FBXL7: variants seen among roughly 807,000 people sequenced by gnomAD.
The protein encoded by FBXL7 is F-box and leucine rich repeat protein 7.
Under a neutral mutation model 38.3 loss-of-function variants are expected in FBXL7, and 12 were observed. That is an observed-to-expected ratio of 0.31 (90% CI 0.20 to 0.51). The LOEUF (loss-of-function observed/expected upper bound fraction) is 0.51. FBXL7 is among the 20% of genes least tolerant of loss of function. The pLI, the probability that FBXL7 is intolerant of heterozygous loss-of-function variation, is 0.98. For missense variants in FBXL7, 567 were observed against 676.4 expected (o/e 0.84, Z 1.79); for synonymous variants, 297 against 300.9 (o/e 0.99, Z 0.13).
At chr5:15,583,817 G>T (rs1387571528) in intron 1 of FBXL7, among the ~76,000 whole-genome samples, 2 of 152,218 alleles carry the variant, frequency 1.3e-5, no homozygotes, top group Admixed American at 6.5e-5. Context: ...CAGTGCCCCA[G>T]TGGGGACTCT....
At chr5:15,766,909 T>C (rs6870947) in intron 2 of FBXL7, among the ~76,000 whole-genome samples, 18,307 of 152,232 alleles carry the variant, frequency 0.12, 1,144 homozygotes, top group South Asian at 0.16. Flanking sequence ...TACAGTTTTT[T>C]ACTCTAAGCA....
chr5:15,863,769 G>T (rs1225408243), intron 2 of FBXL7, among the ~76,000 whole-genome samples: 1 of 152,170 alleles, frequency 6.6e-6, no homozygotes, highest in Non-Finnish European at 1.5e-5. Context: ...AGAGCTGGTT[G>T]TTAAAAAGAA....
At chr5:15,685,981 G>GT (rs2126615817) in intron 2 of FBXL7, among the ~76,000 whole-genome samples, 1 of 152,194 alleles carries the variant, frequency 6.6e-6, no homozygotes, top group South Asian at 2.1e-4. Context: ...CAACAGTCCC[G>GT]GGGGGAGACA....
chr5:15,534,465 G>A (rs1004047075), intron 1 of FBXL7, among the ~76,000 whole-genome samples: 1 of 151,960 alleles, frequency 6.6e-6, no homozygotes, highest in African/African-American at 2.4e-5. Context: ...ATGCATTTAA[G>A]GTTTCTTCAT....
At chr5:15,924,736 C>T (rs750255179) in intron 2 of FBXL7, among the ~76,000 whole-genome samples, 7 of 150,928 alleles carry the variant, frequency 4.6e-5, no homozygotes, top group Non-Finnish European at 7.4e-5. Flanking sequence ...CAAAAATTCA[C>T]GTGCCTCACC....
intron 1 of FBXL7, among the ~76,000 whole-genome samples, chr5:15,574,477 G>A (rs1298786551): frequency 6.6e-6 from 1 of 152,156 alleles, no homozygotes; most frequent in Non-Finnish European, 1.5e-5. Flanking sequence ...GATAGTAGGT[G>A]CAAATATTTC....
At chr5:15,598,913 G>A (rs993937969) in intron 1 of FBXL7, among the ~76,000 whole-genome samples, 2 of 152,152 alleles carry the variant, frequency 1.3e-5, no homozygotes, top group South Asian at 2.1e-4. Flanking sequence ...AGTTAGGGAT[G>A]AAATGGATTC....
At chr5:15,596,847 C>A (rs1739638249) in intron 1 of FBXL7, among the ~76,000 whole-genome samples, 1 of 152,176 alleles carries the variant, frequency 6.6e-6, no homozygotes, top group South Asian at 2.1e-4. Context: ...CCAGAGAGGG[C>A]ATGGACGCTC....
chr5:15,613,923 C>T (rs551575455), intron 1 of FBXL7, among the ~76,000 whole-genome samples: 2 of 152,112 alleles, frequency 1.3e-5, no homozygotes, highest in Non-Finnish European at 2.9e-5. Flanking sequence ...GCACTTCCTA[C>T]TTTATAAACA....
At position 15,909,486 on chromosome 5, in the gene FBXL7, AT is replaced by A. The variant is rs1161565736; in HGVS notation, c.128-18398del. The stretch of plus-strand genomic sequence containing the variant: ...AAAAAACCAGCTCCTGGATTCATTG[AT>A]TTTTTGAAGGGTTTTTTGTGTGTGT... On this transcript the variant is annotated intron_variant, in intron 2 of 3. Coordinates refer to ENST00000504595, the MANE Select transcript of FBXL7 (RefSeq NM_012304.5). Among the ~76,000 whole-genome samples, 2 of 39,594 alleles carry A rather than the reference AT, an allele frequency of 5.1e-5. 1 individual carries two copies. The highest frequency in any genetic ancestry group is 1.0e-4 in the Non-Finnish European group (2 of 19,816). 26.0% of individuals were successfully genotyped at this position (39,594 alleles called of 152,430 possible).
chr5:15,521,699 G>A (rs1737099785), intron 1 of FBXL7, among the ~76,000 whole-genome samples: 1 of 152,198 alleles, frequency 6.6e-6, no homozygotes, highest in East Asian at 1.9e-4. Flanking sequence ...TTAGATCCAA[G>A]ACGTGAAGAT....
chr5:15,504,041 G>A (rs1019916008), intron 1 of FBXL7, among the ~76,000 whole-genome samples: 1 of 152,198 alleles, frequency 6.6e-6, no homozygotes, highest in African/African-American at 2.4e-5. Context: ...AGCGCTATCC[G>A]CATCACCTGG....
chr5:15,638,187 A>C (rs1741246641), intron 2 of FBXL7, among the ~76,000 whole-genome samples: 1 of 152,228 alleles, frequency 6.6e-6, no homozygotes. Flanking sequence ...ACCCAAAGGA[A>C]AGAGCCATGC....
At chr5:15,933,155 T>A (rs75816471) in intron 3 of FBXL7, among the ~76,000 whole-genome samples, 2,043 of 152,252 alleles carry the variant, frequency 0.013, 44 homozygotes, top group African/African-American at 0.046. Flanking sequence ...TTTCTTTTCA[T>A]CCCAAACCTA....
At chr5:15,748,098 C>A (rs1467073341) in intron 2 of FBXL7, among the ~76,000 whole-genome samples, 5 of 66,860 alleles carry the variant, frequency 7.5e-5, no homozygotes, top group Non-Finnish European at 4.2e-5. Context: ...GATTTTGCTC[C>A]CCAGGGAACA....
chr5:15,586,584 C>A lies in FBXL7; in HGVS notation c.38-29399C>A, dbSNP rs138086110. On this transcript the variant is annotated intron_variant, in intron 1 of 3. Coordinates refer to ENST00000504595, the MANE Select transcript of FBXL7 (RefSeq NM_012304.5). ...ATTACTACCCCTGGTTGAACCAGAT[C>A]TCTAGCTCATGTTTCAAAAAACTAC... Among the ~76,000 whole-genome samples, 363 of 152,172 alleles carry A rather than the reference C, an allele frequency of 2.4e-3. 2 individuals carry two copies. Among genetic ancestry groups the A allele is most frequent in the African/African-American group, 7.6e-3 (317 of 41,524 alleles).
chr5:15,666,686 T>C (rs1742291229), intron 2 of FBXL7, among the ~76,000 whole-genome samples: 1 of 152,330 alleles, frequency 6.6e-6, no homozygotes, highest in Non-Finnish European at 1.5e-5. Flanking sequence ...CCAGAACAAT[T>C]TTAGCCTGAG....
chr5:15,565,846 A>G (rs902043803), intron 1 of FBXL7, among the ~76,000 whole-genome samples: 3 of 152,126 alleles, frequency 2.0e-5, no homozygotes, highest in Admixed American at 2.0e-4. Flanking sequence ...CCGGCCTTCA[A>G]CTAATTGGAT....
intron 2 of FBXL7, among the ~76,000 whole-genome samples, chr5:15,659,280 A>C (rs1392308282): frequency 1.3e-5 from 2 of 152,190 alleles, no homozygotes; most frequent in Admixed American, 1.3e-4. Flanking sequence ...AATGCAGTGA[A>C]GGAAAAAAAA....
Sources: allele counts gnomAD v4.1 joint callset (sites outside exome capture counted in the v4.1 genomes callset), GRCh38; gene constraint gnomAD v4.1.1; transcripts MANE v1.5; gene names NCBI Gene and HGNC (gene_info 2026-07-23, HGNC 2026-07-21).